Variants in TMEM91 observed in about 807,000 individuals in gnomAD.
The protein encoded by TMEM91 is transmembrane protein 91.
A neutral mutation model predicts 13.3 loss-of-function variants in TMEM91; 6 were observed. That is an observed-to-expected ratio of 0.45 (90% CI 0.25 to 0.89). TMEM91 has a LOEUF of 0.89. Ranked by LOEUF, TMEM91 falls within the 40% of genes least tolerant of loss-of-function variation. The pLI is 0.19. For missense variants in TMEM91, 193 were observed against 228.7 expected (o/e 0.84, Z 1.01); for synonymous variants, 87 against 101.7 (o/e 0.86, Z 0.87).
Position 41,376,807 on chromosome 19 carries a change from A to G in TMEM91, c.-77A>G, listed in dbSNP as rs1046909. ...GGATCCTCGGTGGCAGGGTCCGGGC[A>G]AGTGTCATTGCGAGGGTTCAGGAAG... On this transcript the variant is annotated 5_prime_UTR_variant, in exon 1 of 4. Coordinates refer to ENST00000392002, the MANE Select transcript of TMEM91 (RefSeq NM_001098821.2). The G allele has an allele frequency of 0.64, 96,793 of 152,066 alleles. 31,539 individuals carry two copies. Among genetic ancestry groups the G allele is most frequent in the African/African-American group, 0.77 (31,804 of 41,452 alleles). 9.4% of individuals were successfully genotyped at this position (152,066 alleles called of 1,614,324 possible). A position where few individuals can be genotyped will look rare whatever the true frequency, so the allele number is the denominator to read the frequency against.
At chr19:41,367,499 C>T (rs1246503996) in intron 1 of TMEM91, among the ~76,000 whole-genome samples, 4 of 151,992 alleles carry the variant, frequency 2.6e-5, no homozygotes, top group East Asian at 2.0e-4. Context: ...GGCATGGCGG[C>T]GGGCGCCTGT....
intron 3 of TMEM91, 192 bp from the exon 4 acceptor site, chr19:41,383,523 T>C (rs749426701): frequency 6.8e-7 from 1 of 1,466,160 alleles, no homozygotes; most frequent in Admixed American, 2.3e-5. Flanking sequence ...TTATTATTAT[T>C]ATTTTTTACC....
chr19:41,375,837 A>G (rs190540310), upstream of TMEM91, among the ~76,000 whole-genome samples: 1,848 of 151,250 alleles, frequency 0.012, 23 homozygotes, highest in Admixed American at 0.018. Context: ...TAAAAAAAAA[A>G]TCTGCCGGGC....
At chr19:41,368,339 C>T (rs2038560678) in intron 1 of TMEM91, among the ~76,000 whole-genome samples, 1 of 151,686 alleles carries the variant, frequency 6.6e-6, no homozygotes, top group Non-Finnish European at 1.5e-5. Flanking sequence ...ATCCCTTGAG[C>T]CCAGGAGTTT....
chr19:41,373,454 T>A (rs1262218829), upstream of TMEM91, among the ~76,000 whole-genome samples: 4 of 150,794 alleles, frequency 2.7e-5, no homozygotes, highest in African/African-American at 9.7e-5. Flanking sequence ...CCCACACATA[T>A]GTAATAAAGA....
At chr19:41,382,749 C>T (rs966442704) in intron 2 of TMEM91, 23 bp from the exon 3 acceptor site, 2 of 1,607,902 alleles carry the variant, frequency 1.2e-6, no homozygotes, top group Non-Finnish European at 1.7e-6. Context: ...GAGATGCCCA[C>T]CTGGGCACTT....
At position 41,378,484 on chromosome 19, in the gene TMEM91, G is replaced by A. The variant is rs201356483; in HGVS notation, c.175G>A (p.Ala59Thr). ...FLSPPLPSVS[A>T]GLGEPRPPDV... is the part of the protein sequence containing the mutation. ...GTCACCGCCTCTTCCCTCCGTGAGC[G>A]CTGGCCTGGGGGAACCAAGGCCCCC... is the stretch of plus-strand genomic sequence containing the variant. The change falls in exon 2 of 4, where the codon GCT becomes ACT. Residue 59 changes from alanine (A) to threonine (T), a missense_variant. Coordinates refer to ENST00000392002, the MANE Select transcript of TMEM91 (RefSeq NM_001098821.2). 5.0e-6 allele frequency: 8 copies of A among 1,613,996 alleles called. No homozygotes were observed. Among genetic ancestry groups the A allele is most frequent in the African/African-American group, 1.3e-5 (1 of 74,918 alleles).
In TMEM91 at chr19:41,379,981, G is replaced by A. The variant is rs368215550; in HGVS notation, c.210+1462G>A. ...GCAATCTCAGCTCACTGCAACCTCCGCCTCCTGGGTTCAAGCAAATTCCCC... is the reference window on the plus strand; with the variant it reads ...GCAATCTCAGCTCACTGCAACCTCCACCTCCTGGGTTCAAGCAAATTCCCC... On this transcript the variant is annotated intron_variant, in intron 2 of 3. Coordinates refer to ENST00000392002, the MANE Select transcript of TMEM91 (RefSeq NM_001098821.2). 9.8e-4 allele frequency among the ~76,000 whole-genome samples: 137 copies of A among 139,114 alleles called. 1 individual carries two copies. The highest frequency in any genetic ancestry group is 3.0e-3 in the African/African-American group (112 of 36,940). 91.3% of individuals were successfully genotyped at this position (139,114 alleles called of 152,430 possible). A position where few individuals can be genotyped will look rare whatever the true frequency, so the allele number is the denominator to read the frequency against.
chr19:41,375,297 T>TTTCTTTTTTTTTTC (rs869066634), upstream of TMEM91, among the ~76,000 whole-genome samples: 1 of 113,262 alleles, frequency 8.8e-6, no homozygotes, highest in Non-Finnish European at 1.8e-5. Flanking sequence ...TTTTTTTTTT[T>TTTCTTTTTTTTTTC]TGAGACGGAG....
chr19:41,369,416 A>C (rs1035554854), intron 1 of TMEM91, among the ~76,000 whole-genome samples: 1 of 149,894 alleles, frequency 6.7e-6, no homozygotes, highest in African/African-American at 2.4e-5. Flanking sequence ...CTGAAGCCGG[A>C]GGATGCCTTG....
upstream of TMEM91, chr19:41,374,421 TCA>T: frequency 6.6e-6 from 1 of 152,380 alleles, no homozygotes; most frequent in African/African-American, 2.4e-5. Context: ...TCAAATGTGT[TCA>T]GAGTGCTTTC....
chr19:41,376,681 G>A lies in TMEM91; in HGVS notation c.-203G>A, dbSNP rs1249325935. On this transcript the variant is annotated 5_prime_UTR_variant, in exon 1 of 4. Coordinates refer to ENST00000392002, the MANE Select transcript of TMEM91 (RefSeq NM_001098821.2). ...TCGCCGGACGCCGCGGAGGGACAGA[G>A]CCTGGGAAGCCGTCGCCCCGCCCCG... is the stretch of plus-strand genomic sequence containing the variant. 1.3e-5 allele frequency: 2 copies of A among 152,254 alleles called. No homozygotes were observed. Among genetic ancestry groups the A allele is most frequent in the Non-Finnish European group, 2.9e-5 (2 of 68,072 alleles). The allele number at this position is 152,254 out of a possible 1,614,324, so 9.4% of individuals were successfully genotyped here.
chr19:41,375,774 T>C (rs2038705284), upstream of TMEM91, among the ~76,000 whole-genome samples: 1 of 150,886 alleles, frequency 6.6e-6, no homozygotes, highest in South Asian at 2.1e-4. Flanking sequence ...ATTGCGCCAC[T>C]GCCTTCCAGC....
chr19:41,373,731 A>G (rs1022155197), upstream of TMEM91, among the ~76,000 whole-genome samples: 41 of 148,312 alleles, frequency 2.8e-4, no homozygotes, highest in Non-Finnish European at 6.0e-5. Flanking sequence ...TAAAAGTACA[A>G]AAATTAGCTG....
chr19:41,365,217 G>C (rs1387620165), intron 1 of TMEM91, among the ~76,000 whole-genome samples: 1 of 151,928 alleles, frequency 6.6e-6, no homozygotes, highest in East Asian at 1.9e-4. Flanking sequence ...AGCTACCATT[G>C]GCTAGGCGCG....
At chr19:41,375,297 T>TTTC (rs869066634), upstream of TMEM91, among the ~76,000 whole-genome samples, 30,789 of 112,248 alleles carry the variant, frequency 0.27, 4,994 homozygotes, top group Non-Finnish European at 0.36. Flanking sequence ...TTTTTTTTTT[T>TTTC]TGAGACGGAG....
At chr19:41,378,035 CAAAAAAAAAAAA>C (rs11449744) in intron 1 of TMEM91, among the ~76,000 whole-genome samples, 1 of 101,728 alleles carries the variant, frequency 9.8e-6, no homozygotes, top group Non-Finnish European at 1.9e-5. Context: ...GACTTTGTCT[CAAAAAAAAAAAA>C]AAAAAAGAGA....
intron 1 of TMEM91, among the ~76,000 whole-genome samples, chr19:41,371,238 G>A (rs1599921960): frequency 1.3e-5 from 2 of 152,056 alleles, no homozygotes; most frequent in South Asian, 4.1e-4. Context: ...CTGACCTCAG[G>A]TGATCTGCCC....
chr19:41,370,088 A>G (rs1262060825), intron 1 of TMEM91, among the ~76,000 whole-genome samples: 1 of 151,812 alleles, frequency 6.6e-6, no homozygotes, highest in East Asian at 1.9e-4. Flanking sequence ...TTATTTATTT[A>G]TTTTTTGAGA....
Sources: gnomAD v4.1 joint callset for allele counts (sites outside exome capture counted in the v4.1 genomes callset) on GRCh38, gnomAD v4.1.1 for gene constraint, MANE v1.5 for transcripts, NCBI Gene and HGNC (gene_info 2026-07-23, HGNC 2026-07-21) for gene names.